ELAC2: variants seen among roughly 807,000 people sequenced by gnomAD.
The protein encoded by ELAC2 is elaC ribonuclease Z 2.
Under a neutral mutation model 105.2 loss-of-function variants are expected in ELAC2, and 92 were observed. The ratio of observed to expected loss-of-function variants is 0.87; its 90% confidence interval spans 0.74 to 1.04. The LOEUF (loss-of-function observed/expected upper bound fraction) is 1.04, where lower values mean the gene tolerates loss of function less well. ELAC2 is among the 50% of genes least tolerant of loss of function. The pLI, the probability that ELAC2 is intolerant of heterozygous loss-of-function variation, is 0.00. For synonymous variants in ELAC2, 468 were observed against 409.1 expected, an observed-to-expected ratio of 1.14 and a Z score of -1.74; for missense variants, 1,099 against 1,071.7, an observed-to-expected ratio of 1.03 and a Z score of -0.36.
chr17:13,017,643 T>G (rs1598280056), intron 1 of ELAC2, 60 bp downstream of exon 1: 7 of 1,611,154 alleles, frequency 4.3e-6, no homozygotes, highest in Non-Finnish European at 5.9e-6. Context: ...GGTGCCCCGA[T>G]GCTCAGAGGC....
Position 12,995,813 on chromosome 17 carries a change from C to A in ELAC2, c.1699-1G>T. 6.2e-7 allele frequency: 1 copy of A among 1,608,812 alleles called. No homozygotes were observed. The highest frequency in any genetic ancestry group is 8.5e-7 in the Non-Finnish European group (1 of 1,177,630). On this transcript the variant is annotated splice_acceptor_variant, in intron 18 of 23. Transcript: ENST00000338034. LOFTEE classifies it high-confidence loss of function. ...GGTGAAGCGGCTTTCCCAAAGATGCCTGGAACAAAAAATGCAAGTGCCGAC... is the reference window on the plus strand; with the variant it reads ...GGTGAAGCGGCTTTCCCAAAGATGCATGGAACAAAAAATGCAAGTGCCGAC...
chr17:12,997,982 T>C (rs2040558216), intron 16 of ELAC2, among the ~76,000 whole-genome samples: 2 of 152,272 alleles, frequency 1.3e-5, no homozygotes, highest in South Asian at 2.1e-4. Context: ...GACAATACCA[T>C]GTAGCAATCA....
chr17:13,015,632 T>C, intron 4 of ELAC2, 136 bp downstream of exon 4: 4 of 741,782 alleles, frequency 5.4e-6, no homozygotes, highest in Non-Finnish European at 9.6e-6. Context: ...CAAGTCTTTT[T>C]AACTTGAAAG....
chr17:12,994,498 C>A lies in ELAC2; in HGVS notation c.2035G>T (p.Asp679Tyr). 6.2e-7 allele frequency: 1 copy of A among 1,614,230 alleles called. No individual in the cohort carries two copies. The highest frequency in any genetic ancestry group is 1.6e-4 in the Middle Eastern group (1 of 6,062). ...PCEALVRMGK[D>Y]ATLLIHEATL... ...GCTTCATGTATCAGGAGGGTGGCATCTTTCCCTGGAGAAGCAGCACAAGGA... is the reference window on the plus strand; with the variant it reads ...GCTTCATGTATCAGGAGGGTGGCATATTTCCCTGGAGAAGCAGCACAAGGA... Residue 679 changes from aspartate (D) to tyrosine (Y), a missense_variant, in exon 22 of 24, where the codon GAT becomes TAT. Physicochemically the swap from Asp to Tyr is radical, Grantham distance 160. Coordinates refer to ENST00000338034, the MANE Select transcript of ELAC2 (RefSeq NM_018127.7).
chr17:13,015,866 A>C (rs1403196237), intron 3 of ELAC2, 34 bp from the exon 4 acceptor site: 21 of 1,567,136 alleles, frequency 1.3e-5, no homozygotes, highest in Non-Finnish European at 1.7e-5. Flanking sequence ...ATCTCTCATC[A>C]ATTTGACCTG....
rs779683395 is a variant in ELAC2 at position 12,998,315 on chromosome 17, T to A, written c.1520+97A>T. The A allele has an allele frequency of 3.4e-6, 4 of 1,170,336 alleles. No individual in the cohort carries two copies. The Admixed American group carries it at 7.0e-5, about 20-fold the overall frequency. The allele number at this position is 1,170,336 out of a possible 1,614,324, so 72.5% of individuals were successfully genotyped here. A position where few individuals can be genotyped will look rare whatever the true frequency, so the allele number is the denominator to read the frequency against. On this transcript the variant is annotated intron_variant, in intron 16 of 23. Coordinates refer to ENST00000338034, the MANE Select transcript of ELAC2 (RefSeq NM_018127.7). ...CGACATGACAAGTGACAGGGCTTGATACCGCATTTCAAATCGACTGGTGAG... is the reference window on the plus strand; with the variant it reads ...CGACATGACAAGTGACAGGGCTTGAAACCGCATTTCAAATCGACTGGTGAG...
intron 10 of ELAC2, 73 bp from the exon 11 acceptor site, chr17:13,005,174 T>C: frequency 9.7e-7 from 1 of 1,028,502 alleles, no homozygotes; most frequent in South Asian, 1.3e-5. Flanking sequence ...TCAAGGCAAC[T>C]GCTAACATGA....
rs138116060 is a variant in ELAC2 at position 13,002,123 on chromosome 17, C to T, written c.1304+151G>A. The T allele has an allele frequency of 4.7e-5, 40 of 848,024 alleles. No individual in the cohort carries two copies. In the Middle Eastern group the frequency reaches 2.3e-3, roughly 50 times the overall value. 52.5% of individuals were successfully genotyped at this position (848,024 alleles called of 1,614,324 possible). On this transcript the variant is annotated intron_variant, in intron 14 of 23. Transcript: ENST00000338034. ...CAAGCCCATTCATTAGCTTATTGTC[C>T]GTGTTTCTTTTGTGCTCAAAGCGGA...
Position 13,017,442 on chromosome 17 carries a change from C to T in ELAC2, c.245+261G>A, listed in dbSNP as rs909596889. On this transcript the variant is annotated intron_variant, in intron 1 of 23. Transcript: ENST00000338034. Reference sequence around the variant, plus strand: ...GGGTGCACGGAAGAGGGTGGAGCTCCGAAAGTGCTGACAGCCAGGCCGGGG... The same window carrying T: ...GGGTGCACGGAAGAGGGTGGAGCTCTGAAAGTGCTGACAGCCAGGCCGGGG... 8 of 701,508 alleles carry T rather than the reference C, an allele frequency of 1.1e-5. No homozygotes were observed. In the Admixed American group the frequency reaches 2.3e-4, roughly 20 times the overall value. The allele number at this position is 701,508 out of a possible 1,614,324, so 43.5% of individuals were successfully genotyped here.
In ELAC2 at chr17:12,994,441, C is replaced by A. The variant is rs2040363513; in HGVS notation, c.2092G>T (p.Val698Leu). Residue 698 changes from valine (V) to leucine (L), a missense_variant, in exon 22 of 24, where the codon GTG becomes TTG. Physicochemically the swap from Val to Leu is conservative, Grantham distance 32 (BLOSUM62 1). Transcript: ENST00000338034. Reference protein sequence around the residue: ...TLEDGLEEEAVEKTHSTTSQA... With the variant: ...TLEDGLEEEALEKTHSTTSQA... Reference sequence around the variant, plus strand: ...CTTTGCTACCTGTGTGTCTTTTCCACTGCTTCCTCTTCCAAACCATCTTCC... The same window carrying A: ...CTTTGCTACCTGTGTGTCTTTTCCAATGCTTCCTCTTCCAAACCATCTTCC... The A allele has an allele frequency of 6.2e-7, 1 of 1,614,244 alleles. No homozygotes were observed. The highest frequency in any genetic ancestry group is 8.5e-7 in the Non-Finnish European group (1 of 1,180,046).
rs746834492 is a variant in ELAC2, at chr17:13,017,685, C to A, written c.245+18G>T. 10 of 1,613,104 alleles carry A rather than the reference C, an allele frequency of 6.2e-6. No individual in the cohort carries two copies. The South Asian group carries it at 6.6e-5, about 11-fold the overall frequency. On this transcript the variant is annotated intron_variant, in intron 1 of 23. Coordinates refer to ENST00000338034, the MANE Select transcript of ELAC2 (RefSeq NM_018127.7). ...GCACTGAGGGCCCAGCGGGACGGGG[C>A]GTGGCTCGTTGACTGACCGGTTGAA...
intron 5 of ELAC2, among the ~76,000 whole-genome samples, chr17:13,013,669 A>G (rs1397963569): frequency 6.6e-6 from 1 of 152,228 alleles, no homozygotes; most frequent in South Asian, 2.1e-4. Flanking sequence ...AAAGAGGAGT[A>G]TTAACAAGCC....
At chr17:12,998,133 A>T (rs750204222) in intron 16 of ELAC2, among the ~76,000 whole-genome samples, 2 of 152,198 alleles carry the variant, frequency 1.3e-5, no homozygotes, top group African/African-American at 2.4e-5. Context: ...TGTAAAAATT[A>T]AAGGAGCTAA....
At chr17:12,995,839 T>C (rs1163322890) in intron 18 of ELAC2, 27 bp from the exon 19 acceptor site, 2 of 1,595,252 alleles carry the variant, frequency 1.3e-6, no homozygotes, top group South Asian at 2.3e-5. Context: ...AAGTGCCGAC[T>C]CGACGACAGA....
In ELAC2 at chr17:13,000,287, A is replaced by G; in HGVS notation, c.1305-13T>C. The G allele has an allele frequency of 1.9e-6, 3 of 1,612,174 alleles. No homozygotes were observed. Among genetic ancestry groups the G allele is most frequent in the Non-Finnish European group, 2.5e-6 (3 of 1,178,312 alleles). ...AATAATGGCATCCCTGCAGGAAGAGAGAGAAGCATCTCAGGTGACGGACAG... is the reference window on the plus strand; with the variant it reads ...AATAATGGCATCCCTGCAGGAAGAGGGAGAAGCATCTCAGGTGACGGACAG... On this transcript the variant is annotated splice_polypyrimidine_tract_variant and intron_variant, in intron 14 of 23. Coordinates refer to ENST00000338034, the MANE Select transcript of ELAC2 (RefSeq NM_018127.7).
intron 7 of ELAC2, among the ~76,000 whole-genome samples, chr17:13,011,000 A>G (rs2041381778): frequency 6.6e-6 from 1 of 152,248 alleles, no homozygotes; most frequent in Admixed American, 6.5e-5. Context: ...CACATATAAT[A>G]TATGAAATAA....
rs199545091 is a variant in ELAC2 at position 12,994,865 on chromosome 17, C to A, written c.1928G>T (p.Arg643Leu). 44 of 1,613,968 alleles carry A rather than the reference C, an allele frequency of 2.7e-5. No homozygotes were observed. Among genetic ancestry groups the A allele is most frequent in the Non-Finnish European group, 3.5e-5 (41 of 1,180,056 alleles). Residue 643 changes from arginine to leucine, a missense_variant, in exon 21 of 24, where the codon CGG becomes CTG. Coordinates refer to ENST00000338034, the MANE Select transcript of ELAC2 (RefSeq NM_018127.7). ...ACAGCCAAACGCATGCTTGCAGTGC[C>A]GCACCAGACAGGTCTGAAACTGAAA... ...DLEEFQTCLV[R>L]HCKHAFGCAL...
intron 8 of ELAC2, among the ~76,000 whole-genome samples, chr17:13,008,087 G>A (rs1267475623): frequency 2.0e-5 from 3 of 151,964 alleles, no homozygotes; most frequent in African/African-American, 4.8e-5. Context: ...TGTGATCCCA[G>A]CTACACGGGA....
chr17:13,008,021 C>T (rs747394543), intron 8 of ELAC2, among the ~76,000 whole-genome samples: 4 of 151,596 alleles, frequency 2.6e-5, no homozygotes, highest in African/African-American at 7.3e-5. Context: ...GCCAACATGG[C>T]GAAACCCTGT....
Sources: gnomAD v4.1 joint callset for allele counts (sites outside exome capture counted in the v4.1 genomes callset) on GRCh38, gnomAD v4.1.1 for gene constraint, MANE v1.5 for transcripts, NCBI Gene and HGNC (gene_info 2026-07-23, HGNC 2026-07-21) for gene names.